The following CMIP variants were observed in gnomAD, a reference collection of about 807,000 sequenced individuals.
CMIP encodes C-Maf-inducing protein.
CMIP carries 13 observed loss-of-function variants against 97.3 expected under a neutral mutation model. That is an observed-to-expected ratio of 0.13 (90% CI 0.09 to 0.21). The LOEUF (loss-of-function observed/expected upper bound fraction) is 0.21. Among genes scored for constraint, CMIP ranks in the 10% least tolerant of loss-of-function variants. The probability of loss-of-function intolerance (pLI) is 1.00; values close to 1 mark genes in which losing one functional copy is unlikely to be tolerated. For missense variants in CMIP, 847 were observed against 1,024.9 expected, an observed-to-expected ratio of 0.83 and a Z score of 2.37; for synonymous variants, 538 against 436.3, an observed-to-expected ratio of 1.23 and a Z score of -2.91.
chr16:81,642,308 C>T (rs932005346), intron 3 of CMIP, among the ~76,000 whole-genome samples: 6 of 152,178 alleles, frequency 3.9e-5, no homozygotes, highest in African/African-American at 1.4e-4. Context: ...ATCATTTCCC[C>T]CACTCCCTGC....
chr16:81,703,986 G>A lies in CMIP; in HGVS notation c.1992G>A (p.Leu664=). The change falls in exon 18 of 21, where the codon CTG becomes CTA. Residue 664 remains leucine (L), a synonymous_variant. Coordinates refer to ENST00000537098, the MANE Select transcript of CMIP (RefSeq NM_198390.3). ...RLLSSGSFGN[L]ENLSLAFTNV... ...TGAGCTCCGGCTCCTTCGGAAACCT[G>A]GAGAACCTCAGTTTGGCCTTCACCA... The A allele has an allele frequency of 6.2e-7, 1 of 1,601,214 alleles. No homozygotes were observed. Among genetic ancestry groups the A allele is most frequent in the Non-Finnish European group, 8.5e-7 (1 of 1,174,878 alleles).
chr16:81,678,888 G>A (rs1904574711), intron 10 of CMIP, among the ~76,000 whole-genome samples: 1 of 152,382 alleles, frequency 6.6e-6, no homozygotes, highest in East Asian at 1.9e-4. Flanking sequence ...AGCATATGGT[G>A]TGTGTATATA....
chr16:81,652,139 TC>T lies in CMIP; in HGVS notation c.478-63del. ...CCTAACCCATCTGATTCTTTGATTG[TC>T]TTCCATCTTCTGCCTTCCTTACGTG... is the stretch of plus-strand genomic sequence containing the variant. On this transcript the variant is annotated intron_variant, in intron 3 of 20. Coordinates refer to ENST00000537098, the MANE Select transcript of CMIP (RefSeq NM_198390.3). The surrounding 1 kb of genome is among the most constrained non-coding windows in gnomAD (Gnocchi z 5.2). The T allele has an allele frequency of 7.5e-7, 1 of 1,338,992 alleles. No homozygotes were observed. Among genetic ancestry groups the T allele is most frequent in the Non-Finnish European group, 1.1e-6 (1 of 941,520 alleles). The allele number at this position is 1,338,992 out of a possible 1,614,324, so 82.9% of individuals were successfully genotyped here. A position where few individuals can be genotyped will look rare whatever the true frequency, so the allele number is the denominator to read the frequency against.
At chr16:81,661,208 T>C (rs147685966) in intron 6 of CMIP, among the ~76,000 whole-genome samples, 1 of 152,372 alleles carries the variant, frequency 6.6e-6, no homozygotes, top group Non-Finnish European at 1.5e-5. Flanking sequence ...AGGAGACAGG[T>C]TGCTGCAGAT....
chr16:81,465,226 G>A (rs940291696), intron 1 of CMIP, among the ~76,000 whole-genome samples: 5 of 152,176 alleles, frequency 3.3e-5, no homozygotes, highest in African/African-American at 4.8e-5. Flanking sequence ...TAACATTTTT[G>A]TAGGGTGTTC....
intron 20 of CMIP, among the ~76,000 whole-genome samples, chr16:81,708,083 C>G (rs763853017): frequency 7.2e-5 from 11 of 152,238 alleles, no homozygotes; most frequent in Non-Finnish European, 1.6e-4. Context: ...TGCCACAGTC[C>G]CCTTCCGGGG....
At chr16:81,496,351 T>G (rs1489174469) in intron 1 of CMIP, among the ~76,000 whole-genome samples, 1 of 152,140 alleles carries the variant, frequency 6.6e-6, no homozygotes, top group Non-Finnish European at 1.5e-5. Flanking sequence ...GCGATCCTAC[T>G]TGGGGGCGAT....
chr16:81,668,656 C>T (rs1016403936), intron 7 of CMIP, among the ~76,000 whole-genome samples: 2 of 152,122 alleles, frequency 1.3e-5, no homozygotes, highest in African/African-American at 4.8e-5. Flanking sequence ...TAGCGTGGCA[C>T]AGATGGGGCC....
At chr16:81,683,926 A>G (rs1905134837) in intron 10 of CMIP, among the ~76,000 whole-genome samples, 1 of 150,214 alleles carries the variant, frequency 6.7e-6, no homozygotes, top group Non-Finnish European at 1.5e-5. Context: ...TAGCCCGGCT[A>G]ATTTTTGTAT....
intron 10 of CMIP, among the ~76,000 whole-genome samples, chr16:81,682,129 G>A (rs553903893): frequency 1.3e-5 from 2 of 152,220 alleles, no homozygotes; most frequent in Admixed American, 6.5e-5. Flanking sequence ...TTTGAACCCC[G>A]GGGGGCGGAG....
chr16:81,597,512 C>G (rs1243988286), intron 1 of CMIP, among the ~76,000 whole-genome samples: 1 of 151,706 alleles, frequency 6.6e-6, no homozygotes, highest in African/African-American at 2.4e-5. Flanking sequence ...TGATGCAATA[C>G]CTTCCTCTTG....
intron 1 of CMIP, chr16:81,476,411 G>C (rs1907921346): frequency 9.4e-7 from 1 of 1,062,458 alleles, no homozygotes; most frequent in Non-Finnish European, 1.5e-6. Flanking sequence ...CTCAGAGCGT[G>C]AAAGTTTTCT....
At position 81,709,931 on chromosome 16, in the gene CMIP, G is replaced by C. The variant is rs866628499; in HGVS notation, c.*132G>C. ...TGAGATAGATGGGGAGTCTTTCTGG[G>C]GGCGGAGGGGGGAGGGGGTGGGGAG... On this transcript the variant is annotated 3_prime_UTR_variant, in exon 21 of 21. Coordinates refer to ENST00000537098, the MANE Select transcript of CMIP (RefSeq NM_198390.3). 1 of 651,132 alleles carries C rather than the reference G, an allele frequency of 1.5e-6. No homozygotes were observed. The highest frequency in any genetic ancestry group is 2.8e-5 in the East Asian group (1 of 36,326). The allele number at this position is 651,132 out of a possible 1,614,324, so 40.3% of individuals were successfully genotyped here.
At chr16:81,488,804 G>A (rs2089361276) in intron 1 of CMIP, among the ~76,000 whole-genome samples, 1 of 152,146 alleles carries the variant, frequency 6.6e-6, no homozygotes, top group Non-Finnish European at 1.5e-5. Flanking sequence ...AGTGTGATCT[G>A]GAAGACGGGG....
intron 8 of CMIP, among the ~76,000 whole-genome samples, chr16:81,671,426 A>G (rs1028341634): frequency 7.2e-5 from 11 of 152,246 alleles, no homozygotes; most frequent in African/African-American, 2.7e-4. Context: ...TTGAGGACTT[A>G]GTAACTATGT....
At chr16:81,593,282 A>G (rs758808066) in intron 1 of CMIP, among the ~76,000 whole-genome samples, 17 of 152,036 alleles carry the variant, frequency 1.1e-4, no homozygotes, top group South Asian at 6.2e-4. Flanking sequence ...TGTCGTCTTG[A>G]TGAACCCATG....
At chr16:81,499,274 A>G (rs892498994) in intron 1 of CMIP, among the ~76,000 whole-genome samples, 8 of 152,140 alleles carry the variant, frequency 5.3e-5, no homozygotes, top group Admixed American at 2.0e-4. Flanking sequence ...AAGGTCATGG[A>G]TGCACATGCC....
intron 7 of CMIP, chr16:81,666,405 C>G (rs1452144884): frequency 2.6e-5 from 4 of 152,190 alleles, no homozygotes; most frequent in Non-Finnish European, 5.9e-5. Flanking sequence ...TTGAGGACAT[C>G]TGACTTCAAA....
At chr16:81,563,842 C>T (rs536566512) in intron 1 of CMIP, among the ~76,000 whole-genome samples, 3 of 152,326 alleles carry the variant, frequency 2.0e-5, no homozygotes, top group East Asian at 1.9e-4. Context: ...TCAGCACTGT[C>T]GGGGCCATTA....
Sources: allele counts gnomAD v4.1 joint callset (sites outside exome capture counted in the v4.1 genomes callset), GRCh38; gene constraint gnomAD v4.1.1; non-coding constraint Gnocchi (gnomAD v3.1); transcripts MANE v1.5; gene names NCBI Gene and HGNC (gene_info 2026-07-23, HGNC 2026-07-21).